The following PIK3C2G variants were observed in gnomAD, a reference collection of about 807,000 sequenced individuals.
PIK3C2G encodes the protein phosphatidylinositol-4-phosphate 3-kinase catalytic subunit type 2 gamma, also known as phosphatidylinositol 3-kinase C2 domain-containing subunit gamma.
PIK3C2G carries 168 observed loss-of-function variants against 181.1 expected under a neutral mutation model. The ratio of observed to expected loss-of-function variants is 0.93; its 90% CI spans 0.82 to 1.05. PIK3C2G has a LOEUF of 1.05. PIK3C2G is among the 50% of genes least tolerant of loss of function. The pLI is 0.00. For synonymous variants in PIK3C2G, 573 were observed against 592.2 expected (o/e 0.97, Z 0.47); for missense variants, 1,869 against 1,732.8 (o/e 1.08, Z -1.40).
intron 18 of PIK3C2G, among the ~76,000 whole-genome samples, chr12:18,449,482 G>A (rs1205561191): frequency 6.6e-6 from 1 of 151,912 alleles, no homozygotes; most frequent in Non-Finnish European, 1.5e-5. Flanking sequence ...GCCCCAATGT[G>A]TGATGTTCCC....
chr12:18,371,814 A>C (rs1311495681), intron 13 of PIK3C2G, among the ~76,000 whole-genome samples: 1 of 152,150 alleles, frequency 6.6e-6, no homozygotes, highest in African/African-American at 2.4e-5. Flanking sequence ...CCGTTGCAAA[A>C]TGAAGTGTTG....
At chr12:18,613,809 A>G (rs1948464518) in intron 31 of PIK3C2G, among the ~76,000 whole-genome samples, 1 of 152,008 alleles carries the variant, frequency 6.6e-6, no homozygotes, top group African/African-American at 2.4e-5. Context: ...TAATGTCCCA[A>G]ATGGCACTCT....
chr12:18,723,235 T>C, the PIK3C2G span: 1 of 1,313,870 alleles, frequency 7.6e-7, no homozygotes, highest in Non-Finnish European at 1.1e-6. Context: ...AATACTTTGC[T>C]TTGAAATAAT....
the PIK3C2G span, among the ~76,000 whole-genome samples, chr12:18,666,414 A>C: frequency 2.6e-5 from 4 of 152,128 alleles, no homozygotes; most frequent in Non-Finnish European, 5.9e-5. Context: ...AATAGTCTCA[A>C]AAAGAGCTGG....
intron 18 of PIK3C2G, among the ~76,000 whole-genome samples, chr12:18,425,846 TAA>T (rs1945776866): frequency 6.6e-6 from 1 of 152,234 alleles, no homozygotes; most frequent in Non-Finnish European, 1.5e-5. Context: ...TTCCTGAAGT[TAA>T]GAGTTATTTA....
At chr12:18,716,515 T>G in the PIK3C2G span, among the ~76,000 whole-genome samples, 1 of 152,310 alleles carries the variant, frequency 6.6e-6, no homozygotes, top group Admixed American at 6.5e-5. Context: ...ACTATTTAAC[T>G]TTGAGCCTTT....
chr12:18,588,082 G>A (rs1334112609), intron 29 of PIK3C2G, among the ~76,000 whole-genome samples: 1 of 151,754 alleles, frequency 6.6e-6, no homozygotes, highest in Admixed American at 6.6e-5. Context: ...CCTTCTTTAT[G>A]CCATATACAA....
intron 5 of PIK3C2G, among the ~76,000 whole-genome samples, chr12:18,312,186 T>G (rs1312861538): frequency 6.6e-6 from 1 of 152,144 alleles, no homozygotes; most frequent in Admixed American, 6.6e-5. Flanking sequence ...GGAACAATGC[T>G]TTGCATCCTC....
At chr12:18,605,808 G>A (rs181910148) in intron 30 of PIK3C2G, among the ~76,000 whole-genome samples, 21 of 152,086 alleles carry the variant, frequency 1.4e-4, no homozygotes, top group South Asian at 4.2e-4. Flanking sequence ...TGTTGTAGCC[G>A]CCTTTCTTGA....
chr12:18,252,503 G>A (rs1948104891), intron 1 of PIK3C2G, among the ~76,000 whole-genome samples: 1 of 152,160 alleles, frequency 6.6e-6, no homozygotes, highest in Admixed American at 6.6e-5. Flanking sequence ...TAAAAGTTTT[G>A]TGTGGTGTTG....
chr12:18,599,652 A>AAATG (rs1200272176), intron 30 of PIK3C2G, among the ~76,000 whole-genome samples: 2 of 150,906 alleles, frequency 1.3e-5, no homozygotes, highest in African/African-American at 4.9e-5. Context: ...GTATAATAAT[A>AAATG]AATGAATGAA....
intron 16 of PIK3C2G, among the ~76,000 whole-genome samples, chr12:18,418,355 T>C (rs931522139): frequency 1.3e-5 from 2 of 152,038 alleles, no homozygotes; most frequent in Non-Finnish European, 2.9e-5. Flanking sequence ...AGTTACAGTG[T>C]GCACAAAGGT....
rs562783433 is a variant in PIK3C2G at position 18,635,380 on chromosome 12, C to T, written c.4183-5049C>T. 1.8e-3 allele frequency among the ~76,000 whole-genome samples: 276 copies of T among 152,246 alleles called. 1 individual carries two copies. The highest frequency in any genetic ancestry group is 3.1e-3 in the Non-Finnish European group (213 of 68,026). ...AGTTCAGGCCTGATTATGCGTATAC[C>T]GATTTCATTTGATGATGGAGTATTG... On this transcript the variant is annotated intron_variant, in intron 31 of 32. Transcript: ENST00000538779.
At chr12:18,365,913 G>A (rs564180750) in intron 12 of PIK3C2G, among the ~76,000 whole-genome samples, 18 of 152,160 alleles carry the variant, frequency 1.2e-4, no homozygotes, top group East Asian at 5.8e-4. Flanking sequence ...CCTGAATCTC[G>A]TTTCAGACCC....
intron 12 of PIK3C2G, among the ~76,000 whole-genome samples, chr12:18,363,431 A>T (rs1488532986): frequency 6.6e-6 from 1 of 152,062 alleles, no homozygotes; most frequent in Non-Finnish European, 1.5e-5. Context: ...TCCTAACATT[A>T]TCACTGTCTT....
the PIK3C2G span, among the ~76,000 whole-genome samples, chr12:18,653,865 C>T: frequency 3.3e-5 from 5 of 152,116 alleles, no homozygotes; most frequent in South Asian, 1.0e-3. Flanking sequence ...GGCTGAGGTT[C>T]AGAAATAAGT....
chr12:18,637,488 C>T (rs1949658787), intron 31 of PIK3C2G, among the ~76,000 whole-genome samples: 1 of 151,366 alleles, frequency 6.6e-6, no homozygotes, highest in African/African-American at 2.4e-5. Flanking sequence ...AGCTAGCCTA[C>T]ATCATGCGTC....
rs752419501 is a variant in PIK3C2G at position 18,491,480 on chromosome 12, A to T, written c.2715A>T (p.Leu905=). ...QEVLKKEIGR[L]EEFFQDVNTC... is the part of the protein sequence containing the mutation. ...TACTGAAGAAAGAAATTGGCAGACT[A>T]GAAGAGTTCTTTCAAGATGTAAATA... Residue 905 remains leucine (L), a synonymous_variant, in exon 20 of 33, where the codon CTA becomes CTT. Transcript: ENST00000538779. 1.9e-6 allele frequency: 3 copies of T among 1,604,978 alleles called. No homozygotes were observed. Among genetic ancestry groups the T allele is most frequent in the Non-Finnish European group, 1.7e-6 (2 of 1,172,192 alleles).
chr12:18,567,599 A>C (rs1945705030), intron 29 of PIK3C2G, among the ~76,000 whole-genome samples: 1 of 151,792 alleles, frequency 6.6e-6, no homozygotes, highest in African/African-American at 2.4e-5. Context: ...GTTTTAGAGG[A>C]GTAAGAATCA....
Sources: allele counts gnomAD v4.1 joint callset (sites outside exome capture counted in the v4.1 genomes callset), GRCh38; gene constraint gnomAD v4.1.1; transcripts MANE v1.5; gene names NCBI Gene and HGNC (gene_info 2026-07-23, HGNC 2026-07-21).